DLGAP1: variants seen among roughly 807,000 people sequenced by gnomAD.
DLGAP1 encodes the protein disks large-associated protein 1.
DLGAP1 carries 11 observed loss-of-function variants against 90.8 expected under a neutral mutation model. The ratio of observed to expected loss-of-function variants is 0.12; its 90% confidence interval spans 0.08 to 0.20. The LOEUF is 0.20. DLGAP1 is among the 10% of genes least tolerant of loss of function. The probability of loss-of-function intolerance (pLI) is 1.00; values close to 1 mark genes in which losing one functional copy is unlikely to be tolerated. For missense variants in DLGAP1, 1,050 were observed against 1,333.8 expected (o/e 0.79, Z 3.31); for synonymous variants, 558 against 540.7 (o/e 1.03, Z -0.44).
chr18:3,679,033 T>C (rs1158474743), intron 7 of DLGAP1, among the ~76,000 whole-genome samples: 1 of 152,194 alleles, frequency 6.6e-6, no homozygotes, highest in Non-Finnish European at 1.5e-5. Context: ...GATCTTGTTA[T>C]GTTGCCCAGG....
chr18:3,765,855 G>A (rs1395505708), intron 5 of DLGAP1, among the ~76,000 whole-genome samples: 3 of 151,470 alleles, frequency 2.0e-5, no homozygotes, highest in African/African-American at 7.3e-5. Flanking sequence ...AAAACAAAGA[G>A]ATACACTCAA....
In DLGAP1 at chr18:3,896,225, T is replaced by C. The variant is rs367702285; in HGVS notation, c.-72-16085A>G. 18 of 152,300 alleles carry C rather than the reference T, an allele frequency of 1.2e-4. No homozygotes were observed. The East Asian group carries it at 2.3e-3, about 20-fold the overall frequency. 9.4% of individuals were successfully genotyped at this position (152,300 alleles called of 1,614,324 possible). On this transcript the variant is annotated intron_variant, in intron 3 of 12. Coordinates refer to ENST00000315677, the MANE Select transcript of DLGAP1 (RefSeq NM_004746.4). ...GGGCACAACTAGTAGGCAGCTAAGCTAGGACTTCAACTGAGGTCTGTAAGA... is the reference window on the plus strand; with the variant it reads ...GGGCACAACTAGTAGGCAGCTAAGCCAGGACTTCAACTGAGGTCTGTAAGA...
chr18:3,658,765 T>C (rs1856742721), intron 7 of DLGAP1, among the ~76,000 whole-genome samples: 1 of 152,218 alleles, frequency 6.6e-6, no homozygotes, highest in African/African-American at 2.4e-5. Context: ...GAATATCAAG[T>C]TTTTCAGCCA....
At chr18:4,306,960 C>T (rs569902068) in intron 1 of DLGAP1, among the ~76,000 whole-genome samples, 5 of 152,228 alleles carry the variant, frequency 3.3e-5, no homozygotes, top group South Asian at 2.1e-4. Flanking sequence ...CTCAATAGCA[C>T]GTTAATTTTA....
intron 1 of DLGAP1, among the ~76,000 whole-genome samples, chr18:4,257,073 A>C (rs11664549): frequency 1.3e-5 from 2 of 152,320 alleles, no homozygotes; most frequent in East Asian, 1.9e-4. Flanking sequence ...AAGGAAGAAG[A>C]AGCCTACAGA....
chr18:4,454,982 C>T lies in DLGAP1; in HGVS notation c.-267+24G>A, dbSNP rs919530777. ...ACCGCCGCCGCCGCGCACGCCCCAG[C>T]CCCGCGGCGCAGCCCGGCGTTACCT... On this transcript the variant is annotated intron_variant, in intron 1 of 12. Transcript: ENST00000315677. This position sits in a 1 kb window ranked among gnomAD's most constrained non-coding sequence, Gnocchi z 4.7. 6.6e-6 allele frequency: 1 copy of T among 150,888 alleles called. No homozygotes were observed. Among genetic ancestry groups the T allele is most frequent in the African/African-American group, 2.4e-5 (1 of 41,254 alleles). The allele number at this position is 150,888 out of a possible 1,614,324, so 9.3% of individuals were successfully genotyped here. A position where few individuals can be genotyped will look rare whatever the true frequency, so the allele number is the denominator to read the frequency against.
chr18:4,266,762 A>G (rs541071672), intron 1 of DLGAP1, among the ~76,000 whole-genome samples: 2 of 152,364 alleles, frequency 1.3e-5, no homozygotes, highest in South Asian at 4.1e-4. Flanking sequence ...TTATGACAAC[A>G]ATGATCAAAA....
intron 1 of DLGAP1, among the ~76,000 whole-genome samples, chr18:4,300,255 C>A (rs1165984196): frequency 6.6e-6 from 1 of 152,068 alleles, no homozygotes; most frequent in African/African-American, 2.4e-5. Context: ...CATATTTTGT[C>A]TTATTTTGAT....
At chr18:3,751,229 T>G (rs967232011) in intron 5 of DLGAP1, among the ~76,000 whole-genome samples, 1 of 152,150 alleles carries the variant, frequency 6.6e-6, no homozygotes, top group East Asian at 1.9e-4. Context: ...AATAAATAAA[T>G]GAAGAGGGTA....
At chr18:3,753,651 T>C (rs2063592964) in intron 5 of DLGAP1, among the ~76,000 whole-genome samples, 1 of 152,196 alleles carries the variant, frequency 6.6e-6, no homozygotes, top group Non-Finnish European at 1.5e-5. Context: ...CGCTCACCTG[T>C]GGCTGACCTT....
chr18:3,527,420 T>TTTTTG (rs2144331421), intron 10 of DLGAP1, among the ~76,000 whole-genome samples: 1 of 147,972 alleles, frequency 6.8e-6, no homozygotes, highest in Admixed American at 6.8e-5. Flanking sequence ...CTTTTTTTTT[T>TTTTTG]TTTTTTTTTT....
intron 1 of DLGAP1, among the ~76,000 whole-genome samples, chr18:4,403,239 C>T (rs976865702): frequency 6.6e-6 from 1 of 152,212 alleles, no homozygotes; most frequent in Middle Eastern, 3.4e-3. Context: ...ATAATGCTTA[C>T]CTGATCTATA....
At chr18:4,259,943 A>G (rs1163903758) in intron 1 of DLGAP1, among the ~76,000 whole-genome samples, 2 of 152,164 alleles carry the variant, frequency 1.3e-5, no homozygotes, top group African/African-American at 2.4e-5. Context: ...ACTACTTTCT[A>G]AAGATTCTAG....
At chr18:4,387,312 T>C (rs1013479404) in intron 1 of DLGAP1, among the ~76,000 whole-genome samples, 2 of 152,170 alleles carry the variant, frequency 1.3e-5, no homozygotes, top group Non-Finnish European at 2.9e-5. Context: ...ATAAGCCACA[T>C]TTGAGTGAAA....
intron 1 of DLGAP1, among the ~76,000 whole-genome samples, chr18:4,235,195 C>G (rs1255392497): frequency 2.0e-5 from 3 of 152,194 alleles, no homozygotes; most frequent in Non-Finnish European, 4.4e-5. Flanking sequence ...AGAAGAATGA[C>G]ACATTCATTT....
intron 7 of DLGAP1, among the ~76,000 whole-genome samples, chr18:3,601,439 G>T (rs1599472495): frequency 1.4e-5 from 2 of 148,112 alleles, no homozygotes; most frequent in Non-Finnish European, 3.0e-5. Context: ...CATATGCAAG[G>T]GTGTGTGTGT....
At chr18:4,000,248 T>C (rs1274787321) in intron 3 of DLGAP1, among the ~76,000 whole-genome samples, 4 of 151,938 alleles carry the variant, frequency 2.6e-5, no homozygotes, top group African/African-American at 7.3e-5. Context: ...CATCCTACTA[T>C]GAATAAAATT....
chr18:3,723,229 T>A (rs2062039635), intron 7 of DLGAP1, among the ~76,000 whole-genome samples: 1 of 152,038 alleles, frequency 6.6e-6, no homozygotes, highest in African/African-American at 2.4e-5. Context: ...AACAAATGGG[T>A]GTGAGTTATG....
intron 4 of DLGAP1, among the ~76,000 whole-genome samples, chr18:3,878,660 C>G (rs1311757595): frequency 6.6e-6 from 1 of 152,128 alleles, no homozygotes; most frequent in Non-Finnish European, 1.5e-5. Flanking sequence ...AACATAGCTT[C>G]AGGCAGGATT....
Sources: allele counts gnomAD v4.1 joint callset (sites outside exome capture counted in the v4.1 genomes callset), GRCh38; gene constraint gnomAD v4.1.1; non-coding constraint Gnocchi (gnomAD v3.1); transcripts MANE v1.5; gene names NCBI Gene and HGNC (gene_info 2026-07-23, HGNC 2026-07-21).